Variants in CCT7 observed in about 807,000 individuals in gnomAD.
The protein encoded by CCT7 is T-complex protein 1 subunit eta.
In CCT7, 16 loss-of-function variants were observed where a neutral mutation model predicts 56.6. The observed-to-expected ratio is 0.28, with a 90% confidence interval of 0.19 to 0.43. The LOEUF (loss-of-function observed/expected upper bound fraction) is 0.43. Among genes scored for constraint, CCT7 ranks in the 20% least tolerant of loss-of-function variants. The probability of loss-of-function intolerance (pLI) is 1.00; values close to 1 mark genes in which losing one functional copy is unlikely to be tolerated. For synonymous variants in CCT7, 262 were observed against 254.8 expected (o/e 1.03, Z -0.27); for missense variants, 519 against 685.6 (o/e 0.76, Z 2.71).
chr2:73,235,683 C>A, intron 1 of CCT7: 1 of 345,152 alleles, frequency 2.9e-6, no homozygotes, highest in Non-Finnish European at 4.4e-6. Context: ...AGCTGTGTGA[C>A]TTTGAGCATG....
Position 73,252,946 on chromosome 2 carries a change from G to T in CCT7, c.*85G>T. 1 of 881,532 alleles carries T rather than the reference G, an allele frequency of 1.1e-6. No homozygotes were observed. The highest frequency in any genetic ancestry group is 1.7e-5 in the South Asian group (1 of 60,416). The allele number at this position is 881,532 out of a possible 1,614,324, so 54.6% of individuals were successfully genotyped here. A position where few individuals can be genotyped will look rare whatever the true frequency, so the allele number is the denominator to read the frequency against. On this transcript the variant is annotated 3_prime_UTR_variant, in exon 12 of 12. Transcript: ENST00000258091. ...TGGTTACTTCATTTTACAAGGAAGG[G>T]GTAGTAATTGGCCCACTCTCTTCTT... is the stretch of plus-strand genomic sequence containing the variant.
At chr2:73,244,357 G>A (rs367760592) in intron 5 of CCT7, 187 bp from the exon 6 acceptor site, 2 of 609,012 alleles carry the variant, frequency 3.3e-6, no homozygotes, top group East Asian at 2.8e-5. Context: ...TTTAAAAGCT[G>A]CCACATATGA....
Position 73,252,769 on chromosome 2 carries a change from G to T in CCT7, c.1540G>T (p.Val514Leu). 6.2e-7 allele frequency: 1 copy of T among 1,614,158 alleles called. No individual in the cohort carries two copies. Among genetic ancestry groups the T allele is most frequent in the African/African-American group, 1.3e-5 (1 of 75,038 alleles). ...AGCCTCTGAGGCTGCGTGCCTGATC[G>T]TGTCTGTAGATGAAACCATCAAGAA... ...TAASEAACLI[V>L]SVDETIKNPR... Residue 514 changes from valine (V) to leucine (L), a missense_variant, in exon 12 of 12, where the codon GTG becomes TTG. Physicochemically the swap from Val to Leu is conservative, Grantham distance 32. This residue lies in a region of CCT7 where 237 missense variants were observed against 300.8 expected (regional missense o/e 0.79). Coordinates refer to ENST00000258091, the MANE Select transcript of CCT7 (RefSeq NM_006429.4).
intron 5 of CCT7, 162 bp downstream of exon 5, chr2:73,244,211 C>A: frequency 1.4e-6 from 1 of 724,568 alleles, no homozygotes. Context: ...TTGTCAGAAC[C>A]TTGACTGACT....
intron 10 of CCT7, 27 bp from the exon 11 acceptor site, chr2:73,251,199 C>A (rs369546063): frequency 2.5e-6 from 4 of 1,607,112 alleles, no homozygotes; most frequent in African/African-American, 1.3e-5. Flanking sequence ...GGCCCTCTTA[C>A]ATTGAGAGGT....
intron 2 of CCT7, chr2:73,240,185 T>C (rs953820467): frequency 2.8e-6 from 1 of 351,062 alleles, no homozygotes; most frequent in South Asian, 8.1e-5. Context: ...AAAAATCTTT[T>C]CTGTATCCAG....
intron 1 of CCT7, chr2:73,237,629 C>G (rs1317986881): frequency 1.3e-5 from 2 of 152,078 alleles, no homozygotes; most frequent in South Asian, 2.1e-4. Context: ...TGCCACCAGA[C>G]CTGGGACACT....
At chr2:73,240,641 A>G (rs908294572) in intron 3 of CCT7, 98 bp downstream of exon 3, 1 of 581,110 alleles carries the variant, frequency 1.7e-6, no homozygotes, top group Non-Finnish European at 2.9e-6. Context: ...TTATATAATT[A>G]TAATTGTACA....
chr2:73,249,777 C>A, intron 8 of CCT7, 42 bp from the exon 9 acceptor site: 1 of 1,423,508 alleles, frequency 7.0e-7, no homozygotes. Flanking sequence ...TGCCTGGCCT[C>A]GGGAACCTTC....
intron 6 of CCT7, among the ~76,000 whole-genome samples, chr2:73,247,153 G>A (rs1159565666): frequency 6.6e-6 from 1 of 152,152 alleles, no homozygotes; most frequent in East Asian, 1.9e-4. Flanking sequence ...AGGGATTGAG[G>A]TCTGAGGAGC....
Position 73,236,351 on chromosome 2 carries a change from T to C in CCT7, c.6+1967T>C, listed in dbSNP as rs559764621. ...CTGCTCTTGTTTCTTTTTCTTTTTT[T>C]TTTTTCCCGAGATGGAGTCTTGCTC... On this transcript the variant is annotated intron_variant, in intron 1 of 11. Coordinates refer to ENST00000258091, the MANE Select transcript of CCT7 (RefSeq NM_006429.4). Among the ~76,000 whole-genome samples the C allele has an allele frequency of 3.9e-5, 6 of 152,184 alleles. No homozygotes were observed. In the South Asian group the frequency reaches 1.2e-3, roughly 32 times the overall value.
Position 73,240,450 on chromosome 2 carries a change from T to C in CCT7, c.174T>C (p.Ile58=), listed in dbSNP as rs569479924. ...LIVDGRGKAT[I]SNDGATILKL... is the part of the protein sequence containing the mutation. ...GTTTCTTTTAAGGCAAAGCAACAATTTCTAATGATGGGGCCACAATTCTGA... is the reference window on the plus strand; with the variant it reads ...GTTTCTTTTAAGGCAAAGCAACAATCTCTAATGATGGGGCCACAATTCTGA... The change falls in exon 3 of 12, where the codon ATT becomes ATC. Residue 58 remains isoleucine, a synonymous_variant. Coordinates refer to ENST00000258091, the MANE Select transcript of CCT7 (RefSeq NM_006429.4). The C allele has an allele frequency of 6.2e-7, 1 of 1,610,926 alleles. No homozygotes were observed. Among genetic ancestry groups the C allele is most frequent in the Non-Finnish European group, 8.5e-7 (1 of 1,178,352 alleles).
intron 4 of CCT7, 91 bp from the exon 5 acceptor site, chr2:73,243,906 G>T (rs976193582): frequency 1.6e-5 from 19 of 1,157,894 alleles, no homozygotes; most frequent in African/African-American, 1.1e-4. Context: ...GGATTTGGGA[G>T]TGAACAGACT....
At chr2:73,234,532 GC>G in intron 1 of CCT7, 148 bp downstream of exon 1, 1 of 976,562 alleles carries the variant, frequency 1.0e-6, no homozygotes, top group Non-Finnish European at 1.5e-6. Context: ...ACCCCAGCCA[GC>G]CGCGGCCTGG....
chr2:73,243,288 C>T (rs1281926357), intron 4 of CCT7, 159 bp downstream of exon 4: 1 of 741,766 alleles, frequency 1.3e-6, no homozygotes, highest in Non-Finnish European at 2.2e-6. Context: ...TAATCTGTAG[C>T]CATTTGATGA....
intron 9 of CCT7, 86 bp from the exon 10 acceptor site, chr2:73,250,220 G>A (rs1687516242): frequency 6.6e-7 from 1 of 1,510,448 alleles, no homozygotes. Context: ...CAGCTGCTGA[G>A]TGTTGGGGGG....
intron 3 of CCT7, among the ~76,000 whole-genome samples, chr2:73,240,916 T>TA (rs1419972626): frequency 1.3e-5 from 2 of 149,724 alleles, no homozygotes; most frequent in East Asian, 1.9e-4. Flanking sequence ...TTTTTTTTTT[T>TA]AAAGAGATAG....
At chr2:73,238,651 A>T (rs1476480293) in intron 1 of CCT7, among the ~76,000 whole-genome samples, 2 of 152,272 alleles carry the variant, frequency 1.3e-5, no homozygotes, top group Admixed American at 6.5e-5. Flanking sequence ...GTTTTGAAAT[A>T]GTATTTATCC....
intron 9 of CCT7, 71 bp from the exon 10 acceptor site, chr2:73,250,235 G>C: frequency 2.6e-6 from 4 of 1,564,058 alleles, no homozygotes; most frequent in Non-Finnish European, 2.6e-6. Context: ...GGGGGGGCTG[G>C]CAGTGAGGAC....
Sources: allele counts gnomAD v4.1 joint callset (sites outside exome capture counted in the v4.1 genomes callset), GRCh38; gene constraint gnomAD v4.1.1; regional missense constraint gnomAD v4.1.1; transcripts MANE v1.5; gene names NCBI Gene and HGNC (gene_info 2026-07-23, HGNC 2026-07-21).